NTN1: variants seen among roughly 807,000 people sequenced by gnomAD.
NTN1 encodes the protein netrin 1.
A neutral mutation model predicts 54.2 loss-of-function variants in NTN1; 11 were observed. The observed-to-expected ratio is 0.20, with a 90% CI of 0.13 to 0.34. The LOEUF (loss-of-function observed/expected upper bound fraction) is 0.34, where lower values mean the gene tolerates loss of function less well. NTN1 is among the 10% of genes least tolerant of loss of function. The pLI, the probability that NTN1 is intolerant of heterozygous loss-of-function variation, is 1.00. For synonymous variants in NTN1, 371 were observed against 382.0 expected (o/e 0.97, Z 0.33); for missense variants, 740 against 893.1 (o/e 0.83, Z 2.18).
intron 4 of NTN1, among the ~76,000 whole-genome samples, chr17:9,181,170 A>G (rs975684995): frequency 2.6e-5 from 4 of 152,154 alleles, no homozygotes; most frequent in Non-Finnish European, 4.4e-5. Flanking sequence ...CCTCTAACAA[A>G]GGGCGGGCTG....
chr17:9,178,499 G>A (rs1274312816), intron 3 of NTN1, among the ~76,000 whole-genome samples: 1 of 152,182 alleles, frequency 6.6e-6, no homozygotes, highest in Admixed American at 6.5e-5. Flanking sequence ...TCCTGGGCCC[G>A]AGGCCGGCTG....
intron 2 of NTN1, among the ~76,000 whole-genome samples, chr17:9,126,354 CA>C (rs1453699236): frequency 1.3e-5 from 2 of 152,134 alleles, no homozygotes; most frequent in African/African-American, 4.8e-5. Flanking sequence ...ACAAAAAATA[CA>C]AAAAATTAGC....
At chr17:9,015,723 T>C in the NTN1 span, among the ~76,000 whole-genome samples, 1 of 152,142 alleles carries the variant, frequency 6.6e-6, no homozygotes, top group Non-Finnish European at 1.5e-5. Context: ...GGCGCTGTTG[T>C]CCTCCTCCAT....
chr17:9,026,397 G>GGA (rs796579941), intron 2 of NTN1, among the ~76,000 whole-genome samples: 2 of 150,222 alleles, frequency 1.3e-5, no homozygotes, highest in Non-Finnish European at 3.0e-5. Flanking sequence ...CTTCCGGGGG[G>GGA]GGGGAACAAA....
chr17:9,060,785 G>T (rs1337663711), intron 2 of NTN1, among the ~76,000 whole-genome samples: 1 of 152,028 alleles, frequency 6.6e-6, no homozygotes, highest in Non-Finnish European at 1.5e-5. Context: ...AGACCATCCT[G>T]GCCAACATGG....
At chr17:9,009,146 C>T in the NTN1 span, among the ~76,000 whole-genome samples, 5 of 152,270 alleles carry the variant, frequency 3.3e-5, no homozygotes, top group Non-Finnish European at 5.9e-5. Context: ...CAAATAACAT[C>T]TGTCCCCAGA....
At chr17:9,069,272 G>A (rs2092025431) in intron 2 of NTN1, among the ~76,000 whole-genome samples, 1 of 151,082 alleles carries the variant, frequency 6.6e-6, no homozygotes, top group African/African-American at 2.4e-5. Flanking sequence ...ACATTTTAAA[G>A]GTCTATTCAA....
intron 6 of NTN1, among the ~76,000 whole-genome samples, chr17:9,226,207 G>A (rs1462842679): frequency 6.7e-6 from 1 of 149,722 alleles, no homozygotes; most frequent in Non-Finnish European, 1.5e-5. Flanking sequence ...CACTCATATC[G>A]GAGGGACCCC....
At chr17:9,157,853 C>T (rs993245796) in intron 2 of NTN1, among the ~76,000 whole-genome samples, 2 of 152,228 alleles carry the variant, frequency 1.3e-5, no homozygotes, top group African/African-American at 4.8e-5. Flanking sequence ...CCCTTTCCTC[C>T]CTGTCTTGAA....
chr17:9,110,855 G>T (rs939392130), intron 2 of NTN1, among the ~76,000 whole-genome samples: 2 of 151,198 alleles, frequency 1.3e-5, no homozygotes, highest in Admixed American at 6.6e-5. Context: ...TGTCTTACAC[G>T]ATCTTCTCCT....
intron 2 of NTN1, among the ~76,000 whole-genome samples, chr17:9,133,146 TCTC>T (rs2092270915): frequency 6.6e-6 from 1 of 152,106 alleles, no homozygotes; most frequent in African/African-American, 2.4e-5. Flanking sequence ...ATCTAGTCCT[TCTC>T]CTTTCCCTGT....
chr17:9,117,241 C>A (rs56212365), intron 2 of NTN1, among the ~76,000 whole-genome samples: 40,726 of 151,892 alleles, frequency 0.27, 6,016 homozygotes, highest in African/African-American at 0.4. Flanking sequence ...CATTGGCAGC[C>A]AGGGGAAGGA....
intron 5 of NTN1, among the ~76,000 whole-genome samples, chr17:9,208,243 A>T (rs974170716): frequency 2.6e-5 from 4 of 152,306 alleles, no homozygotes; most frequent in Admixed American, 2.0e-4. Flanking sequence ...AAATAAATAA[A>T]TAAATAAAGC....
At chr17:9,100,197 T>A (rs1369064495) in intron 2 of NTN1, among the ~76,000 whole-genome samples, 1 of 152,128 alleles carries the variant, frequency 6.6e-6, no homozygotes, top group Non-Finnish European at 1.5e-5. Flanking sequence ...TATATATATA[T>A]TTACATATAT....
rs1254608912 is a variant in NTN1, at chr17:9,241,760, CATT to C, written c.*1795_*1797del. ...ATGACAACCCTGTGGGACAGGGACT[CATT>C]ATCACCAGCAAGGAGACTGGAGTAC... On this transcript the variant is annotated 3_prime_UTR_variant, in exon 7 of 7. Transcript: ENST00000173229. The C allele has an allele frequency of 1.3e-5, 2 of 152,276 alleles. No individual in the cohort carries two copies. The highest frequency in any genetic ancestry group is 2.4e-5 in the African/African-American group (1 of 41,456). 9.4% of individuals were successfully genotyped at this position (152,276 alleles called of 1,614,324 possible).
At chr17:9,016,138 G>A in the NTN1 span, among the ~76,000 whole-genome samples, 1 of 151,680 alleles carries the variant, frequency 6.6e-6, no homozygotes, top group African/African-American at 2.4e-5. Context: ...AGAACCACAC[G>A]GCTGTCCCAC....
intron 2 of NTN1, among the ~76,000 whole-genome samples, chr17:9,081,672 A>C (rs2092071748): frequency 6.6e-6 from 1 of 152,158 alleles, no homozygotes; most frequent in South Asian, 2.1e-4. Flanking sequence ...GGCCTTTCTC[A>C]ATATCTTCAC....
chr17:9,019,364 TATA>T (rs750917962), upstream of NTN1, among the ~76,000 whole-genome samples: 7 of 152,238 alleles, frequency 4.6e-5, no homozygotes, highest in Non-Finnish European at 8.8e-5. Context: ...TTTTTCATAT[TATA>T]ATATGTCATG....
At chr17:9,033,048 G>T (rs1332574013) in intron 2 of NTN1, among the ~76,000 whole-genome samples, 1 of 150,594 alleles carries the variant, frequency 6.6e-6, no homozygotes, top group East Asian at 1.9e-4. Flanking sequence ...CTGTTTCCTG[G>T]GTTCAAGTGA....
Sources: allele counts gnomAD v4.1 joint callset (sites outside exome capture counted in the v4.1 genomes callset), GRCh38; gene constraint gnomAD v4.1.1; transcripts MANE v1.5; gene names NCBI Gene and HGNC (gene_info 2026-07-23, HGNC 2026-07-21).